The following STXBP5L variants were observed in gnomAD, a reference collection of about 807,000 sequenced individuals.
STXBP5L encodes the protein syntaxin binding protein 5L.
Under a neutral mutation model 144.5 loss-of-function variants are expected in STXBP5L, and 65 were observed. The ratio of observed to expected loss-of-function variants is 0.45; its 90% confidence interval spans 0.37 to 0.55. The LOEUF is 0.55. Ranked by LOEUF, STXBP5L falls within the 20% of genes least tolerant of loss-of-function variation. The probability of loss-of-function intolerance (pLI) is 0.00; values close to 1 mark genes in which losing one functional copy is unlikely to be tolerated. For missense variants in STXBP5L, 1,298 were observed against 1,405.5 expected, an observed-to-expected ratio of 0.92 and a Z score of 1.22; for synonymous variants, 505 against 469.6, an observed-to-expected ratio of 1.08 and a Z score of -0.97.
At chr3:120,978,507 G>T (rs568726587) in intron 3 of STXBP5L, among the ~76,000 whole-genome samples, 1 of 152,014 alleles carries the variant, frequency 6.6e-6, no homozygotes, top group Non-Finnish European at 1.5e-5. Context: ...CCTGTAGCTC[G>T]GAGTAGTTTG....
At chr3:120,908,891 A>G (rs1234028039) in intron 1 of STXBP5L, among the ~76,000 whole-genome samples, 1 of 150,670 alleles carries the variant, frequency 6.6e-6, no homozygotes, top group African/African-American at 2.4e-5. Context: ...CGGAGGGACA[A>G]GTGGAAACAG....
At chr3:121,406,502 T>C (rs979967386) in intron 22 of STXBP5L, among the ~76,000 whole-genome samples, 1 of 152,036 alleles carries the variant, frequency 6.6e-6, no homozygotes, top group Non-Finnish European at 1.5e-5. Context: ...GAGCCCAAAC[T>C]ACCTCCTAAG....
intron 20 of STXBP5L, among the ~76,000 whole-genome samples, chr3:121,345,290 G>C (rs2044912183): frequency 1.3e-5 from 2 of 152,044 alleles, no homozygotes; most frequent in South Asian, 4.1e-4. Context: ...ATAGTTTGCT[G>C]AGAATGATGG....
chr3:121,006,910 G>C (rs986959817), intron 3 of STXBP5L, among the ~76,000 whole-genome samples: 6 of 152,146 alleles, frequency 3.9e-5, no homozygotes, highest in African/African-American at 1.4e-4. Context: ...AGTTTCTGCT[G>C]AGAGATCACC....
chr3:121,061,870 A>G (rs6785751), intron 5 of STXBP5L, among the ~76,000 whole-genome samples: 15,086 of 152,132 alleles, frequency 0.099, 1,177 homozygotes, highest in Admixed American at 0.2. Flanking sequence ...GTCTTTGCAC[A>G]TGAGATGGGT....
intron 20 of STXBP5L, among the ~76,000 whole-genome samples, chr3:121,320,631 C>G (rs1474528131): frequency 6.6e-6 from 1 of 151,432 alleles, no homozygotes; most frequent in Non-Finnish European, 1.5e-5. Context: ...AGCCCTTTGC[C>G]TATGATGTTT....
At chr3:120,990,021 C>A (rs1009794804) in intron 3 of STXBP5L, among the ~76,000 whole-genome samples, 1 of 151,972 alleles carries the variant, frequency 6.6e-6, no homozygotes. Flanking sequence ...TCAAATTGTC[C>A]CTGTTTGCAG....
chr3:121,188,901 G>A (rs1223537657), intron 9 of STXBP5L, among the ~76,000 whole-genome samples: 4 of 152,204 alleles, frequency 2.6e-5, no homozygotes, highest in African/African-American at 9.7e-5. Context: ...ACTGGCACAA[G>A]ACAGGGATGC....
At chr3:121,175,360 G>T (rs1346637053) in intron 9 of STXBP5L, among the ~76,000 whole-genome samples, 1 of 151,750 alleles carries the variant, frequency 6.6e-6, no homozygotes, top group Admixed American at 6.6e-5. Context: ...CACACTAAAG[G>T]CCTAGAAAAA....
At chr3:121,315,335 G>A (rs1470707645) in intron 19 of STXBP5L, among the ~76,000 whole-genome samples, 3 of 151,960 alleles carry the variant, frequency 2.0e-5, no homozygotes, top group Admixed American at 6.6e-5. Context: ...GTCCTTTGTA[G>A]GGACATGGAT....
chr3:121,275,057 T>C (rs73855355), intron 18 of STXBP5L, among the ~76,000 whole-genome samples: 7 of 152,330 alleles, frequency 4.6e-5, no homozygotes, highest in African/African-American at 1.7e-4. Flanking sequence ...TATTTGACCA[T>C]GTATGTGTGA....
intron 5 of STXBP5L, among the ~76,000 whole-genome samples, chr3:121,109,071 T>A (rs969900624): frequency 7.9e-5 from 12 of 152,202 alleles, no homozygotes; most frequent in Admixed American, 7.9e-4. Context: ...TTGTTTGCAT[T>A]TCTGTGGGGT....
At chr3:121,061,326 G>C (rs2041266532) in intron 5 of STXBP5L, among the ~76,000 whole-genome samples, 1 of 152,164 alleles carries the variant, frequency 6.6e-6, no homozygotes, top group South Asian at 2.1e-4. Context: ...ATTGCACTGT[G>C]GTCTGAGAGA....
At chr3:121,069,205 A>T (rs928649457) in intron 5 of STXBP5L, among the ~76,000 whole-genome samples, 1 of 152,224 alleles carries the variant, frequency 6.6e-6, no homozygotes, top group South Asian at 2.1e-4. Context: ...TGCTCTCCAT[A>T]TTTATAATTT....
chr3:121,020,097 G>C (rs1412677946), intron 3 of STXBP5L, among the ~76,000 whole-genome samples: 1 of 152,118 alleles, frequency 6.6e-6, no homozygotes, highest in Non-Finnish European at 1.5e-5. Flanking sequence ...ACAACTTCTT[G>C]AAATGAAGAA....
chr3:121,347,013 A>C (rs1032458952), intron 20 of STXBP5L, among the ~76,000 whole-genome samples: 2 of 152,214 alleles, frequency 1.3e-5, no homozygotes, highest in Non-Finnish European at 2.9e-5. Context: ...TGTTTTAGAC[A>C]TGAAGTCCTT....
intron 4 of STXBP5L, among the ~76,000 whole-genome samples, chr3:121,044,438 G>A (rs1435633822): frequency 6.6e-6 from 1 of 152,080 alleles, no homozygotes. Context: ...GTTCTTCCTA[G>A]CATCTAAATG....
At chr3:121,116,470 C>T (rs1235046777) in intron 6 of STXBP5L, among the ~76,000 whole-genome samples, 1 of 152,060 alleles carries the variant, frequency 6.6e-6, no homozygotes, top group African/African-American at 2.4e-5. Flanking sequence ...TTAGGAACTG[C>T]TCCAGAGCAG....
At chr3:121,255,809 T>C (rs577013547) in intron 16 of STXBP5L, among the ~76,000 whole-genome samples, 6 of 152,208 alleles carry the variant, frequency 3.9e-5, no homozygotes, top group Admixed American at 1.3e-4. Context: ...AAAAGAATAA[T>C]GATTTTATGG....
Sources: gnomAD v4.1 joint callset for allele counts (sites outside exome capture counted in the v4.1 genomes callset) on GRCh38, gnomAD v4.1.1 for gene constraint, MANE v1.5 for transcripts, NCBI Gene and HGNC (gene_info 2026-07-23, HGNC 2026-07-21) for gene names.